PRKCH: variants seen among roughly 807,000 people sequenced by gnomAD.
PRKCH encodes protein kinase C eta type.
PRKCH carries 28 observed loss-of-function variants against 82.5 expected under a neutral mutation model. The observed-to-expected ratio is 0.34, with a 90% CI of 0.25 to 0.47. The LOEUF (loss-of-function observed/expected upper bound fraction) is 0.47, where lower values mean the gene tolerates loss of function less well. Ranked by LOEUF, PRKCH falls within the 20% of genes least tolerant of loss-of-function variation. PRKCH has a pLI of 1.00. For synonymous variants in PRKCH, 322 were observed against 327.4 expected, an observed-to-expected ratio of 0.98 and a Z score of 0.18; for missense variants, 705 against 881.8, an observed-to-expected ratio of 0.80 and a Z score of 2.54.
intron 12 of PRKCH, among the ~76,000 whole-genome samples, chr14:61,530,824 C>G (rs1024962294): frequency 3.3e-5 from 5 of 152,166 alleles, no homozygotes; most frequent in African/African-American, 1.2e-4. Context: ...TTTCAATAGC[C>G]CTTGATAACT....
At chr14:61,246,480 T>G (rs1233487272) in intron 1 of PRKCH, among the ~76,000 whole-genome samples, 1 of 152,154 alleles carries the variant, frequency 6.6e-6, no homozygotes, top group East Asian at 1.9e-4. Flanking sequence ...CATTTCAGTC[T>G]TGAACTTTTG....
chr14:61,218,574 A>G (rs533629008), intron 1 of PRKCH, among the ~76,000 whole-genome samples: 5 of 152,204 alleles, frequency 3.3e-5, no homozygotes, highest in Admixed American at 6.5e-5. Context: ...CCGCCCCCCA[A>G]TTTCAAGGGA....
chr14:61,547,240 T>TTGC (rs2043269578), intron 12 of PRKCH, among the ~76,000 whole-genome samples: 1 of 152,136 alleles, frequency 6.6e-6, no homozygotes. Context: ...TATGTCACCT[T>TTGC]TGCTGCTTCT....
chr14:61,324,073 A>G (rs1487136862), intron 1 of PRKCH, among the ~76,000 whole-genome samples: 1 of 152,202 alleles, frequency 6.6e-6, no homozygotes, highest in African/African-American at 2.4e-5. Context: ...GATTCTAGAT[A>G]GGAATCTCTG....
chr14:61,303,343 C>T (rs2045461973), intron 1 of PRKCH: 1 of 152,082 alleles, frequency 6.6e-6, no homozygotes, highest in Non-Finnish European at 1.5e-5. Context: ...CTTTAATTTT[C>T]ATATCTTGCT....
At chr14:61,413,447 G>C (rs1202586625) in intron 2 of PRKCH, among the ~76,000 whole-genome samples, 1 of 116,908 alleles carries the variant, frequency 8.6e-6, no homozygotes, top group African/African-American at 3.3e-5. Context: ...TATATTCTAA[G>C]CAAGTGGCTT....
intron 1 of PRKCH, among the ~76,000 whole-genome samples, chr14:61,292,336 G>GCCGT (rs1395826337): frequency 1.3e-5 from 2 of 151,218 alleles, no homozygotes; most frequent in African/African-American, 4.9e-5. Context: ...AATTTAATTA[G>GCCGT]CCGTGTATGG....
chr14:61,242,430 C>T (rs1176305180), intron 1 of PRKCH, among the ~76,000 whole-genome samples: 1 of 152,216 alleles, frequency 6.6e-6, no homozygotes, highest in East Asian at 1.9e-4. Flanking sequence ...GACAGAGTCT[C>T]ACTGTCGCCC....
chr14:61,527,283 C>A (rs974624917), intron 10 of PRKCH, among the ~76,000 whole-genome samples: 1 of 132,170 alleles, frequency 7.6e-6, no homozygotes, highest in Non-Finnish European at 1.7e-5. Flanking sequence ...ATAATCTAGG[C>A]TTCTTGTGCA....
intron 1 of PRKCH, among the ~76,000 whole-genome samples, chr14:61,245,429 C>G (rs369069767): frequency 6.6e-6 from 1 of 152,210 alleles, no homozygotes; most frequent in African/African-American, 2.4e-5. Flanking sequence ...GGGTCTGCAT[C>G]AGCAGAGGAA....
chr14:61,306,347 T>A (rs1417567292), intron 1 of PRKCH: 1 of 152,280 alleles, frequency 6.6e-6, no homozygotes, highest in Non-Finnish European at 1.5e-5. Context: ...TGTCCTCTTC[T>A]TCTGCATACT....
chr14:61,203,158 T>C (rs1468461791), intron 1 of PRKCH, among the ~76,000 whole-genome samples: 1 of 152,042 alleles, frequency 6.6e-6, no homozygotes, highest in African/African-American at 2.4e-5. Context: ...CCTGTGATAA[T>C]AGTAGCATGA....
chr14:61,324,674 G>A (rs182399074), intron 1 of PRKCH, among the ~76,000 whole-genome samples: 1 of 152,224 alleles, frequency 6.6e-6, no homozygotes, highest in East Asian at 1.9e-4. Flanking sequence ...GACCAGGCTG[G>A]TCTTGAACTT....
At chr14:61,344,497 C>T (rs2045967400) in intron 1 of PRKCH, 1 of 152,146 alleles carries the variant, frequency 6.6e-6, no homozygotes, top group Non-Finnish European at 1.5e-5. Flanking sequence ...CCTAATGTGT[C>T]TCAGTAACTT....
At chr14:61,208,983 G>A (rs1181115247) in intron 1 of PRKCH, among the ~76,000 whole-genome samples, 1 of 152,202 alleles carries the variant, frequency 6.6e-6, no homozygotes, top group Non-Finnish European at 1.5e-5. Flanking sequence ...ATGCAGCGGT[G>A]TTGAGAGGTG....
chr14:61,433,043 C>CAAAAA (rs34477992), intron 2 of PRKCH, among the ~76,000 whole-genome samples: 10 of 110,964 alleles, frequency 9.0e-5, no homozygotes, highest in Admixed American at 7.5e-4. Flanking sequence ...CCAACCTCTT[C>CAAAAA]AAAAAAAAAA....
intron 2 of PRKCH, among the ~76,000 whole-genome samples, chr14:61,430,890 G>A (rs950047086): frequency 6.6e-5 from 10 of 152,148 alleles, no homozygotes; most frequent in Non-Finnish European, 1.5e-4. Context: ...GAGTAGCTGG[G>A]ACTACAGGCA....
chr14:61,391,187 A>G, intron 1 of PRKCH, 38 bp from the exon 2 acceptor site: 1 of 1,553,164 alleles, frequency 6.4e-7, no homozygotes, highest in Non-Finnish European at 8.8e-7. Context: ...AATATTTTAA[A>G]ACTAACATAT....
chr14:61,255,723 A>C (rs1343228312), intron 1 of PRKCH, among the ~76,000 whole-genome samples: 1 of 152,196 alleles, frequency 6.6e-6, no homozygotes, highest in African/African-American at 2.4e-5. Flanking sequence ...TGGCTGGTTC[A>C]TGAAAGCAGC....
Sources: allele counts gnomAD v4.1 joint callset (sites outside exome capture counted in the v4.1 genomes callset), GRCh38; gene constraint gnomAD v4.1.1; transcripts MANE v1.5; gene names NCBI Gene and HGNC (gene_info 2026-07-23, HGNC 2026-07-21).